The following GHR variants were observed in gnomAD, a reference collection of about 807,000 sequenced individuals.
GHR encodes growth hormone receptor, also known as GH receptor.
A neutral mutation model predicts 67.1 loss-of-function variants in GHR; 35 were observed. The ratio of observed to expected loss-of-function variants is 0.52; its 90% confidence interval spans 0.40 to 0.69. The LOEUF (loss-of-function observed/expected upper bound fraction) is 0.69. GHR is among the 30% of genes least tolerant of loss of function. GHR has a pLI of 0.00. For missense variants in GHR, 792 were observed against 764.6 expected (o/e 1.04, Z -0.42); for synonymous variants, 272 against 269.1 (o/e 1.01, Z -0.10).
chr5:42,584,125 G>A (rs944384784), intron 2 of GHR, among the ~76,000 whole-genome samples: 1 of 152,012 alleles, frequency 6.6e-6, no homozygotes, highest in Non-Finnish European at 1.5e-5. Context: ...AGGTCTGGCT[G>A]ATGGAAAACC....
At chr5:42,682,021 A>T (rs953032052) in intron 3 of GHR, among the ~76,000 whole-genome samples, 5 of 152,116 alleles carry the variant, frequency 3.3e-5, no homozygotes, top group Admixed American at 2.6e-4. Flanking sequence ...AACCAACCCA[A>T]ATGTCCATCA....
intron 3 of GHR, among the ~76,000 whole-genome samples, chr5:42,680,532 C>T (rs974456749): frequency 6.7e-6 from 1 of 149,688 alleles, no homozygotes; most frequent in Non-Finnish European, 1.5e-5. Context: ...TAGACAGAGT[C>T]TCACTATGTC....
chr5:42,717,233 A>G (rs1758766053), intron 8 of GHR, among the ~76,000 whole-genome samples: 1 of 152,186 alleles, frequency 6.6e-6, no homozygotes, highest in African/African-American at 2.4e-5. Context: ...CAGGAGTTTG[A>G]GGCTGCAGTG....
intron 1 of GHR, among the ~76,000 whole-genome samples, chr5:42,440,258 A>G (rs1261829536): frequency 1.3e-5 from 2 of 152,242 alleles, no homozygotes; most frequent in African/African-American, 4.8e-5. Context: ...GTATAATTTA[A>G]AATTGTTTTA....
At chr5:42,567,529 T>C (rs1186919226) in intron 2 of GHR, among the ~76,000 whole-genome samples, 1 of 152,182 alleles carries the variant, frequency 6.6e-6, no homozygotes, top group East Asian at 1.9e-4. Flanking sequence ...TAGTTTATAC[T>C]AAACACAAAT....
intron 1 of GHR, among the ~76,000 whole-genome samples, chr5:42,564,153 A>G (rs957776938): frequency 6.8e-6 from 1 of 147,440 alleles, no homozygotes; most frequent in African/African-American, 2.6e-5. Context: ...TTGAAATCTC[A>G]CAAAGTGTGA....
At chr5:42,475,072 CG>C (rs1257386998) in intron 1 of GHR, among the ~76,000 whole-genome samples, 1 of 151,760 alleles carries the variant, frequency 6.6e-6, no homozygotes, top group African/African-American at 2.4e-5. Context: ...GTAGTAGTGA[CG>C]GGGTTTCACC....
At chr5:42,573,721 C>A (rs1750466427) in intron 2 of GHR, among the ~76,000 whole-genome samples, 1 of 152,146 alleles carries the variant, frequency 6.6e-6, no homozygotes, top group African/African-American at 2.4e-5. Context: ...ATTTTCTTAG[C>A]CCCATTCCTT....
intron 1 of GHR, among the ~76,000 whole-genome samples, chr5:42,536,862 T>C (rs531403115): frequency 6.6e-6 from 1 of 152,224 alleles, no homozygotes; most frequent in African/African-American, 2.4e-5. Context: ...CTGTTCAGGT[T>C]ATCTAATTTT....
rs544765639 is a variant in GHR, at chr5:42,541,277, G to A, written c.-11-24587G>A. 3.3e-5 allele frequency among the ~76,000 whole-genome samples: 5 copies of A among 152,232 alleles called. No homozygotes were observed. The South Asian group carries it at 1.0e-3, about 32-fold the overall frequency. On this transcript the variant is annotated intron_variant, in intron 1 of 9. Coordinates refer to ENST00000230882, the MANE Select transcript of GHR (RefSeq NM_000163.5). Reference sequence around the variant, plus strand: ...AGTATAAGGATTATTATTTATCTAGGTTGTCAGGCAAGAGCTTACAGATGG... The same window carrying A: ...AGTATAAGGATTATTATTTATCTAGATTGTCAGGCAAGAGCTTACAGATGG...
At chr5:42,579,151 T>TGATAGATATAG (rs1554021883) in intron 2 of GHR, among the ~76,000 whole-genome samples, 4 of 88,284 alleles carry the variant, frequency 4.5e-5, no homozygotes, top group Non-Finnish European at 7.2e-5. Context: ...GATAGATAGA[T>TGATAGATATAG]ATAGATAGAT....
At position 42,674,980 on chromosome 5, in the gene GHR, TTTCTATTAC is replaced by T. The variant is rs1459243194; in HGVS notation, c.137-13906_137-13898del. Among the ~76,000 whole-genome samples, 4 of 152,196 alleles carry T rather than the reference TTTCTATTAC, an allele frequency of 2.6e-5. No individual in the cohort carries two copies. In the East Asian group the frequency reaches 7.7e-4, roughly 29 times the overall value. On this transcript the variant is annotated intron_variant, in intron 3 of 9. Coordinates refer to ENST00000230882, the MANE Select transcript of GHR (RefSeq NM_000163.5). The stretch of plus-strand genomic sequence containing the variant: ...CATTCTGAACAGAAGTGTGTGAGGG[TTTCTATTAC>T]TTCACATCCTCTTGCTTTCTATTTT...
At chr5:42,685,221 G>A (rs1288501115) in intron 3 of GHR, among the ~76,000 whole-genome samples, 1 of 152,086 alleles carries the variant, frequency 6.6e-6, no homozygotes, top group Non-Finnish European at 1.5e-5. Flanking sequence ...GTGTTAGTTT[G>A]CTGAGGATGA....
At chr5:42,667,345 C>T (rs1756040688) in intron 3 of GHR, among the ~76,000 whole-genome samples, 1 of 152,164 alleles carries the variant, frequency 6.6e-6, no homozygotes, top group Non-Finnish European at 1.5e-5. Flanking sequence ...TCAATGTATT[C>T]TGCTTCACCT....
intron 1 of GHR, among the ~76,000 whole-genome samples, chr5:42,476,968 G>C (rs944896797): frequency 6.6e-6 from 1 of 151,796 alleles, no homozygotes; most frequent in Non-Finnish European, 1.5e-5. Flanking sequence ...TGCCATGTTG[G>C]TGTGCTGCAC....
At chr5:42,444,771 T>G (rs1298770384) in intron 1 of GHR, among the ~76,000 whole-genome samples, 1 of 152,254 alleles carries the variant, frequency 6.6e-6, no homozygotes, top group Non-Finnish European at 1.5e-5. Context: ...TCTCTCATTC[T>G]TCTTGTCTTT....
In GHR at chr5:42,576,094, TAA is replaced by T. The variant is rs367594590; in HGVS notation, c.70+10153_70+10154del. On this transcript the variant is annotated intron_variant, in intron 2 of 9. Coordinates refer to ENST00000230882, the MANE Select transcript of GHR (RefSeq NM_000163.5). Reference sequence around the variant, plus strand: ...TAAAATAAAATAAAATAAAATAAAATAAAATAAATAAAATAAAATAAAATAAA... The same window carrying T: ...TAAAATAAAATAAAATAAAATAAAATAATAAATAAAATAAAATAAAATAAA... Among the ~76,000 whole-genome samples, 5 of 91,600 alleles carry T rather than the reference TAA, an allele frequency of 5.5e-5. 1 individual carries two copies. Among genetic ancestry groups the T allele is most frequent in the African/African-American group, 3.0e-4 (5 of 16,840 alleles). 60.1% of individuals were successfully genotyped at this position (91,600 alleles called of 152,430 possible).
intron 3 of GHR, among the ~76,000 whole-genome samples, chr5:42,673,720 T>C (rs1018934121): frequency 6.6e-6 from 1 of 152,008 alleles, no homozygotes; most frequent in African/African-American, 2.4e-5. Context: ...GAGCTAAACA[T>C]TGGGTAAACA....
At chr5:42,618,040 A>G (rs955933835) in intron 2 of GHR, among the ~76,000 whole-genome samples, 2 of 152,092 alleles carry the variant, frequency 1.3e-5, no homozygotes, top group African/African-American at 2.4e-5. Flanking sequence ...TTCAATACCC[A>G]TAAAGGATAC....
Sources: gnomAD v4.1 joint callset for allele counts (sites outside exome capture counted in the v4.1 genomes callset) on GRCh38, gnomAD v4.1.1 for gene constraint, MANE v1.5 for transcripts, NCBI Gene and HGNC (gene_info 2026-07-23, HGNC 2026-07-21) for gene names.